Variants in ITPK1 observed in about 807,000 individuals in gnomAD.
ITPK1 encodes inositol-tetrakisphosphate 1-kinase.
In ITPK1, 21 loss-of-function variants were observed where a neutral mutation model predicts 45.3. The ratio of observed to expected loss-of-function variants is 0.46; its 90% CI spans 0.33 to 0.67. The LOEUF (loss-of-function observed/expected upper bound fraction) is 0.67, where lower values mean the gene tolerates loss of function less well. Among genes scored for constraint, ITPK1 ranks in the 30% least tolerant of loss-of-function variants. The pLI is 0.02. For synonymous variants in ITPK1, 258 were observed against 253.6 expected, an observed-to-expected ratio of 1.02 and a Z score of -0.16; for missense variants, 474 against 573.5, an observed-to-expected ratio of 0.83 and a Z score of 1.77.
intron 3 of ITPK1, chr14:93,071,321 A>G (rs1595188840): frequency 6.6e-6 from 1 of 152,266 alleles, no homozygotes; most frequent in African/African-American, 2.4e-5. Flanking sequence ...CAGCCCCATC[A>G]GGGCCTCTGG....
At chr14:92,957,651 G>T (rs981665685) in intron 8 of ITPK1, among the ~76,000 whole-genome samples, 1 of 152,238 alleles carries the variant, frequency 6.6e-6, no homozygotes, top group African/African-American at 2.4e-5. Context: ...CACGCTCACT[G>T]GCACGGTAGG....
chr14:93,029,492 A>G (rs556176511), intron 3 of ITPK1, among the ~76,000 whole-genome samples: 28 of 152,072 alleles, frequency 1.8e-4, no homozygotes, highest in African/African-American at 5.6e-4. Flanking sequence ...GCAACAGAGC[A>G]GGCAAGGACA....
chr14:92,965,931 A>G lies in ITPK1; in HGVS notation c.365-3082T>C, dbSNP rs118164106. ...GGCAGGAGAATCGCTTGAATGCAGG[A>G]GGTGGAGGTTGACGTGAGCCAAGAT... On this transcript the variant is annotated intron_variant, in intron 5 of 10. Transcript: ENST00000267615. Among the ~76,000 whole-genome samples, 207 of 152,334 alleles carry G rather than the reference A, an allele frequency of 1.4e-3. 2 individuals carry two copies. In the East Asian group the frequency reaches 0.037, roughly 27 times the overall value.
chr14:92,955,284 G>C (rs1406202187), intron 8 of ITPK1, among the ~76,000 whole-genome samples: 9 of 152,192 alleles, frequency 5.9e-5, no homozygotes, highest in African/African-American at 2.2e-4. Context: ...TTTATAATTT[G>C]GCCTTTTGCA....
At position 92,951,972 on chromosome 14, in the gene ITPK1, G is replaced by A. The variant is rs867037896; in HGVS notation, c.712C>T (p.Pro238Ser). The change falls in exon 9 of 11, where the codon CCG (proline) becomes TCG (serine). Residue 238 changes from proline to serine, a missense_variant. By Grantham distance (74) the Pro-to-Ser change is moderately conservative. Transcript: ENST00000267615. ...TCCGTCAGGACCGATGACGACTCCG[G>A]CTTTGACACGTTGTGGCTGTTGAAG... ...IFFNSHNVSKPESSSVLTELD... is the reference protein window; with the variant it reads ...IFFNSHNVSKSESSSVLTELD... 1 of 1,580,212 alleles carries A rather than the reference G, an allele frequency of 6.3e-7. No homozygotes were observed. Among genetic ancestry groups the A allele is most frequent in the South Asian group, 1.2e-5 (1 of 86,206 alleles).
chr14:92,978,582 C>CCTG (rs2139777243), intron 5 of ITPK1, among the ~76,000 whole-genome samples: 1 of 152,076 alleles, frequency 6.6e-6, no homozygotes, highest in African/African-American at 2.4e-5. Flanking sequence ...GGCTCAGGGC[C>CCTG]CTGCTGCTCC....
chr14:92,974,278 C>T (rs956495489), intron 5 of ITPK1, among the ~76,000 whole-genome samples: 6 of 152,154 alleles, frequency 3.9e-5, no homozygotes, highest in African/African-American at 1.2e-4. Flanking sequence ...GTGACATCAT[C>T]GTGTGTTAAA....
In ITPK1 at chr14:93,063,961, G is replaced by A. The variant is rs141991819; in HGVS notation, c.120+12634C>T. Among the ~76,000 whole-genome samples the A allele has an allele frequency of 3.9e-5, 6 of 152,228 alleles. No individual in the cohort carries two copies. The highest frequency in any genetic ancestry group is 1.2e-4 in the African/African-American group (5 of 41,536). On this transcript the variant is annotated intron_variant, in intron 3 of 10. Coordinates refer to ENST00000267615, the MANE Select transcript of ITPK1 (RefSeq NM_014216.6). This position sits in a 1 kb window ranked among gnomAD's most constrained non-coding sequence, Gnocchi z 4.3. ...GAAGCAATCCTACTAGGTGCTTACT[G>A]CCCAGACAACAGGGCTGGTGACCTT...
At chr14:92,998,510 G>A (rs946123658) in intron 4 of ITPK1, among the ~76,000 whole-genome samples, 3 of 152,234 alleles carry the variant, frequency 2.0e-5, no homozygotes, top group African/African-American at 7.2e-5. Context: ...AGGAATCTGG[G>A]ATGTGTTTCA....
rs757052881 is a variant in ITPK1 at position 93,036,473 on chromosome 14, C to T, written c.121-19672G>A. 5.9e-5 allele frequency among the ~76,000 whole-genome samples: 9 copies of T among 152,174 alleles called. No individual in the cohort carries two copies. Among genetic ancestry groups the T allele is most frequent in the East Asian group, 3.8e-4 (2 of 5,202 alleles). On this transcript the variant is annotated intron_variant, in intron 3 of 10. Transcript: ENST00000267615. This position sits in a 1 kb window ranked among gnomAD's most constrained non-coding sequence, Gnocchi z 4.1. ...CAGACACAGCCAACAATGACAAACACGTGACCTCCTCCGAGAGGCTGGTGG... is the reference window on the plus strand; with the variant it reads ...CAGACACAGCCAACAATGACAAACATGTGACCTCCTCCGAGAGGCTGGTGG...
At chr14:93,092,504 C>T (rs1891902925) in intron 2 of ITPK1, among the ~76,000 whole-genome samples, 1 of 152,230 alleles carries the variant, frequency 6.6e-6, no homozygotes, top group South Asian at 2.1e-4. Context: ...GGAAACAGAG[C>T]TCGCCAGGTG....
At chr14:93,090,411 T>C (rs551875652) in intron 2 of ITPK1, among the ~76,000 whole-genome samples, 1 of 152,166 alleles carries the variant, frequency 6.6e-6, no homozygotes, top group South Asian at 2.1e-4. Flanking sequence ...GATCGAGACC[T>C]GAAGGGCCAG....
intron 3 of ITPK1, among the ~76,000 whole-genome samples, chr14:93,044,588 G>T (rs1480784786): frequency 1.3e-5 from 2 of 152,212 alleles, no homozygotes; most frequent in Non-Finnish European, 2.9e-5. Flanking sequence ...AGGACTGACA[G>T]CCAGCCATGC....
intron 3 of ITPK1, among the ~76,000 whole-genome samples, chr14:93,039,642 T>C (rs1889477540): frequency 6.6e-6 from 1 of 152,196 alleles, no homozygotes; most frequent in African/African-American, 2.4e-5. Context: ...TGTGCTTCTG[T>C]GACCACTGAA....
Position 92,941,671 on chromosome 14 carries a change from C to T in ITPK1, c.1135G>A (p.Gly379Ser). 6.5e-7 allele frequency: 1 copy of T among 1,541,274 alleles called. No individual in the cohort carries two copies. The highest frequency in any genetic ancestry group is 8.7e-7 in the Non-Finnish European group (1 of 1,146,006). The change falls in exon 11 of 11, where the codon GGC becomes AGC. Residue 379 changes from glycine to serine, a missense_variant. This residue lies in a region of ITPK1 where 107 missense variants were observed against 92.9 expected (regional missense o/e 1.15). Coordinates refer to ENST00000267615, the MANE Select transcript of ITPK1 (RefSeq NM_014216.6). ...TGGTGCGGCAGCTTGGCGGTGCCGCCCGCGTCGGCCTCAGCCTTCCAGGGC... is the reference window on the plus strand; with the variant it reads ...TGGTGCGGCAGCTTGGCGGTGCCGCTCGCGTCGGCCTCAGCCTTCCAGGGC... ...DAPWKAEADAGGTAKLPHQRL... is the reference protein window; with the variant it reads ...DAPWKAEADASGTAKLPHQRL...
chr14:92,943,556 A>G (rs115173824), intron 10 of ITPK1, among the ~76,000 whole-genome samples: 1,950 of 152,298 alleles, frequency 0.013, 39 homozygotes, highest in African/African-American at 0.043. Context: ...AATGCAGTGG[A>G]GGAGCTCCAC....
At chr14:93,109,373 G>A (rs1156794873) in intron 2 of ITPK1, among the ~76,000 whole-genome samples, 2 of 152,192 alleles carry the variant, frequency 1.3e-5, no homozygotes, top group Admixed American at 1.3e-4. Flanking sequence ...GACTGCCCCA[G>A]GGAACTGGAA....
At chr14:92,989,385 T>C (rs955017629) in intron 5 of ITPK1, among the ~76,000 whole-genome samples, 2 of 152,114 alleles carry the variant, frequency 1.3e-5, no homozygotes, top group Non-Finnish European at 2.9e-5. Context: ...CAGTCAGGGC[T>C]TTCAAGGATC....
At chr14:93,109,412 C>T (rs890426350) in intron 2 of ITPK1, among the ~76,000 whole-genome samples, 2 of 152,152 alleles carry the variant, frequency 1.3e-5, no homozygotes, top group African/African-American at 4.8e-5. Flanking sequence ...ACAGGGCTGA[C>T]GTTTCATTGT....
Sources: allele counts gnomAD v4.1 joint callset (sites outside exome capture counted in the v4.1 genomes callset), GRCh38; gene constraint gnomAD v4.1.1; regional missense constraint gnomAD v4.1.1; non-coding constraint Gnocchi (gnomAD v3.1); transcripts MANE v1.5; gene names NCBI Gene and HGNC (gene_info 2026-07-23, HGNC 2026-07-21).